HELZ2: variants seen among roughly 807,000 people sequenced by gnomAD.
HELZ2 encodes helicase with zinc finger 2, also known as 3'-5' exoribonuclease HELZ2.
In HELZ2, 143 loss-of-function variants were observed where a neutral mutation model predicts 208.8. The ratio of observed to expected loss-of-function variants is 0.68; its 90% CI spans 0.60 to 0.79. The LOEUF (loss-of-function observed/expected upper bound fraction) is 0.79. Among genes scored for constraint, HELZ2 ranks in the 30% least tolerant of loss-of-function variants. The pLI, the probability that HELZ2 is intolerant of heterozygous loss-of-function variation, is 0.00. For synonymous variants in HELZ2, 1,705 were observed against 1,693.7 expected, an observed-to-expected ratio of 1.01 and a Z score of -0.16; for missense variants, 3,690 against 3,794.5, an observed-to-expected ratio of 0.97 and a Z score of 0.72.
exon 8 of HELZ2, chr20:63,562,591 C>T (rs769572654): frequency 1.3e-6 from 2 of 1,599,422 alleles, no homozygotes; most frequent in Admixed American, 3.4e-5. Flanking sequence ...CTTCCGGAAC[C>T]TTCTCCATGC....
In HELZ2 at chr20:63,566,139, C is replaced by G. The variant is rs757636217; in HGVS notation, c.2683G>C (p.Ala895Pro). ...GTCAGGACGGTGTTGAGCACGCGGG[C>G]GTCGGTGAAGAACTCAGGGGCCAGT... Residue 895 changes from alanine (A) to proline (P), a missense_variant, in exon 8 of 19, where the codon GCC (alanine) becomes CCC (proline). Coordinates refer to ENST00000467148, the Ensembl canonical transcript of HELZ2. 3 of 1,568,034 alleles carry G rather than the reference C, an allele frequency of 1.9e-6. No homozygotes were observed. The South Asian group carries it at 3.5e-5, about 18-fold the overall frequency.
exon 16 of HELZ2, chr20:63,560,508 T>C: frequency 6.4e-7 from 1 of 1,560,540 alleles, no homozygotes; most frequent in Non-Finnish European, 8.6e-7. Flanking sequence ...AGGTTGGCCT[T>C]GGAGTTCTCA....
At chr20:63,566,119 G>A (rs761646054) in exon 8 of HELZ2, 3 of 1,581,344 alleles carry the variant, frequency 1.9e-6, no homozygotes, top group Non-Finnish European at 2.6e-6. Flanking sequence ...CGCGGGTCAG[G>A]ACGGTGTTGA....
In HELZ2 at chr20:63,563,348, G is replaced by A. The variant is rs999686402; in HGVS notation, c.5474C>T (p.Thr1825Met). ...CTCCAGCAGCTGCTTCCACAGGGCC[G>A]TCTCCACGGCCAGGGTGTGTGGGTC... The change falls in exon 8 of 19, where the codon ACG becomes ATG. Residue 1825 changes from threonine (T) to methionine (M), a missense_variant. Around this residue, in one of 3 missense-constraint regions of HELZ2, gnomAD observed 2,564 missense variants for 2,580.5 expected, o/e 0.99. Transcript: ENST00000467148. 7.8e-6 allele frequency: 12 copies of A among 1,538,204 alleles called. No homozygotes were observed. The highest frequency in any genetic ancestry group is 2.4e-5 in the East Asian group (1 of 41,138).
chr20:63,561,959 G>C, exon 11 of HELZ2: 1 of 1,598,448 alleles, frequency 6.3e-7, no homozygotes, highest in Non-Finnish European at 8.5e-7. Context: ...ATACGATGTG[G>C]AGGCCCACGA....
exon 4 of HELZ2, chr20:63,569,330 C>A: frequency 6.3e-7 from 1 of 1,596,208 alleles, no homozygotes. Flanking sequence ...CCACGCCAGG[C>A]ACCACGTGGC....
chr20:63,564,954 C>T, exon 8 of HELZ2: 1 of 1,608,480 alleles, frequency 6.2e-7, no homozygotes, highest in Non-Finnish European at 8.5e-7. Flanking sequence ...CAGGTGCTGG[C>T]CTCAGGCAGC....
rs752567372 is a variant in HELZ2, at chr20:63,570,473, C to T, written c.570+31G>A. On this transcript the variant is annotated intron_variant, in intron 3 of 18. Coordinates refer to ENST00000467148, the Ensembl canonical transcript of HELZ2. ...GAAGTCACCACTTCCCCAGGGCTCC[C>T]TCCGCCCAGTCGGAGCTGTTCTCCG... 1.0e-5 allele frequency: 16 copies of T among 1,586,524 alleles called. No homozygotes were observed. In the Admixed American group the frequency reaches 2.0e-4, roughly 20 times the overall value.
exon 4 of HELZ2, chr20:63,569,498 G>A (rs749011664): frequency 1.2e-5 from 19 of 1,611,366 alleles, no homozygotes; most frequent in South Asian, 2.2e-5. Flanking sequence ...CAAAGGTGCC[G>A]AACGAGGCAG....
intron 1 of HELZ2, 99 bp from the exon 3 acceptor site, chr20:63,570,967 A>G (rs1315219228): frequency 2.1e-6 from 2 of 939,210 alleles, no homozygotes; most frequent in African/African-American, 3.3e-5. Flanking sequence ...CTCTGTAGGG[A>G]GCAGGGGCTT....
At chr20:63,566,891 C>T in exon 6 of HELZ2, 1 of 1,607,960 alleles carries the variant, frequency 6.2e-7, no homozygotes, top group South Asian at 1.1e-5. Context: ...TCGCGGCCGC[C>T]CCAGCAGCTG....
At chr20:63,563,884 C>A in exon 8 of HELZ2, 2 of 1,598,818 alleles carry the variant, frequency 1.3e-6, no homozygotes. Context: ...AGCGGCCGAA[C>A]GCCGAGCGCT....
chr20:63,560,575 G>A, exon 16 of HELZ2: 1 of 1,612,746 alleles, frequency 6.2e-7, no homozygotes, highest in Non-Finnish European at 8.5e-7. Flanking sequence ...CGTGGCCAAA[G>A]ATGACAGGGC....
chr20:63,564,373 G>A (rs45469491), exon 8 of HELZ2: 48,723 of 1,557,280 alleles, frequency 0.031, 1,295 homozygotes, highest in African/African-American at 0.11. Context: ...CGACGCAGGC[G>A]TCCACGGAGT....
At chr20:63,562,821 T>C (rs1173374050) in exon 8 of HELZ2, 1 of 1,610,650 alleles carries the variant, frequency 6.2e-7, no homozygotes. Flanking sequence ...CTGAAGTTGA[T>C]GTCGGCACAG....
At chr20:63,573,240 G>A (rs1394157790), upstream of HELZ2, 1 of 152,312 alleles carries the variant, frequency 6.6e-6, no homozygotes, top group African/African-American at 2.4e-5. The surrounding 1 kb of genome is among the most constrained non-coding windows in gnomAD (Gnocchi z 4.9). Flanking sequence ...GAAGGAGCAG[G>A]TGAGACTGAG....
chr20:63,561,875 AC>A lies in HELZ2; in HGVS notation c.6638del (p.Gly2213ValfsTer22), dbSNP rs1336825230. Reference sequence around the variant, plus strand: ...AGGGGCCGCAGTACAAGATGCAGGGACCCCCCAGCCGCTTCTCCCCACGGGG... The same window carrying A: ...AGGGGCCGCAGTACAAGATGCAGGGACCCCCAGCCGCTTCTCCCCACGGGG... On this transcript the variant is annotated frameshift_variant, in exon 11 of 19. Coordinates refer to ENST00000467148, the Ensembl canonical transcript of HELZ2. LOFTEE classifies it high-confidence loss of function. The A allele has an allele frequency of 1.3e-6, 2 of 1,568,050 alleles. No individual in the cohort carries two copies. Among genetic ancestry groups the A allele is most frequent in the Admixed American group, 1.9e-5 (1 of 52,814 alleles).
At chr20:63,564,608 G>A (rs1440167185) in exon 8 of HELZ2, 1 of 1,568,450 alleles carries the variant, frequency 6.4e-7, no homozygotes, top group East Asian at 2.4e-5. Flanking sequence ...CGGCAGCATG[G>A]GCACTGGCTC....
exon 12 of HELZ2, chr20:63,561,705 C>A (rs374403727): frequency 5.6e-6 from 9 of 1,611,794 alleles, no homozygotes; most frequent in Non-Finnish European, 7.6e-6. Flanking sequence ...GCTCACTGTA[C>A]ACACGGAGGG....
Sources: gnomAD v4.1 joint callset for allele counts on GRCh38, gnomAD v4.1.1 for gene constraint, gnomAD v4.1.1 regional missense constraint, Gnocchi (gnomAD v3.1) non-coding constraint, MANE v1.5 for transcripts, NCBI Gene and HGNC (gene_info 2026-07-23, HGNC 2026-07-21) for gene names.